Variants in NCBP3 observed in about 807,000 individuals in gnomAD.
NCBP3 encodes the protein nuclear cap-binding protein subunit 3.
In NCBP3, 20 loss-of-function variants were observed where a neutral mutation model predicts 75.7. That is an observed-to-expected ratio of 0.26 (90% CI 0.19 to 0.38). The LOEUF (loss-of-function observed/expected upper bound fraction) is 0.38, where lower values mean the gene tolerates loss of function less well. Among genes scored for constraint, NCBP3 ranks in the 10% least tolerant of loss-of-function variants. NCBP3 has a pLI of 1.00. For missense variants in NCBP3, 678 were observed against 796.9 expected (o/e 0.85, Z 1.80); for synonymous variants, 293 against 290.5 (o/e 1.01, Z -0.09).
intron 1 of NCBP3, 81 bp downstream of exon 1, chr17:3,845,960 G>C (rs2054156958): frequency 6.9e-7 from 1 of 1,447,216 alleles, no homozygotes; most frequent in Non-Finnish European, 9.3e-7. Context: ...CTGGGGCTCC[G>C]GCCACCGCCC....
intron 11 of NCBP3, among the ~76,000 whole-genome samples, chr17:3,815,729 T>C (rs116934677): frequency 0.029 from 4,419 of 152,278 alleles, 82 homozygotes; most frequent in Non-Finnish European, 0.042. Flanking sequence ...GTATTAGGTA[T>C]TGTAAATAAT....
intron 3 of NCBP3, among the ~76,000 whole-genome samples, chr17:3,835,133 G>C (rs2053951792): frequency 6.6e-6 from 1 of 152,206 alleles, no homozygotes; most frequent in Admixed American, 6.5e-5. Flanking sequence ...GAGTTACGAT[G>C]AAAATGCACT....
In NCBP3 at chr17:3,825,836, CTGCT is replaced by C; in HGVS notation, c.614_617del (p.Lys205ArgfsTer23). 1 of 1,551,038 alleles carries C rather than the reference CTGCT, an allele frequency of 6.4e-7. No homozygotes were observed. The highest frequency in any genetic ancestry group is 8.7e-7 in the Non-Finnish European group (1 of 1,146,720). ...CTTCATCATCATCTGAACTGTCTTCCTGCTTGTCTAAAATGGAATGTGAAGGACA... is the reference window on the plus strand; with the variant it reads ...CTTCATCATCATCTGAACTGTCTTCCTGTCTAAAATGGAATGTGAAGGACA... On this transcript the variant is annotated frameshift_variant, in exon 6 of 13. Coordinates refer to ENST00000389005, the MANE Select transcript of NCBP3 (RefSeq NM_001114118.3). LOFTEE classifies it high-confidence loss of function.
chr17:3,821,884 ACC>A, intron 8 of NCBP3, 67 bp downstream of exon 8: 1 of 988,922 alleles, frequency 1.0e-6, no homozygotes, highest in South Asian at 1.4e-5. Flanking sequence ...TAGACATTTC[ACC>A]ACGGAATACC....
At position 3,812,422 on chromosome 17, in the gene NCBP3, T is replaced by C; in HGVS notation, c.*622A>G. The C allele has an allele frequency of 1.3e-6, 1 of 749,720 alleles. No individual in the cohort carries two copies. Among genetic ancestry groups the C allele is most frequent in the Non-Finnish European group, 1.6e-6 (1 of 614,028 alleles). 46.4% of individuals were successfully genotyped at this position (749,720 alleles called of 1,614,324 possible). A position where few individuals can be genotyped will look rare whatever the true frequency, so the allele number is the denominator to read the frequency against. On this transcript the variant is annotated 3_prime_UTR_variant, in exon 13 of 13. Coordinates refer to ENST00000389005, the MANE Select transcript of NCBP3 (RefSeq NM_001114118.3). ...ATCTTCACATCAAGCTGACAGCACG[T>C]AAGAGGCCCATGCCATGAGCAATCC...
chr17:3,833,674 A>C (rs2053924638), intron 3 of NCBP3, among the ~76,000 whole-genome samples: 1 of 151,510 alleles, frequency 6.6e-6, no homozygotes, highest in African/African-American at 2.4e-5. Context: ...TGAGGCCAGA[A>C]ATTTTGTTCC....
chr17:3,841,810 G>T, intron 2 of NCBP3, among the ~76,000 whole-genome samples: 1 of 136,632 alleles, frequency 7.3e-6, no homozygotes, highest in Admixed American at 7.5e-5. Context: ...TCCAGCCTGG[G>T]TGACAGAGTG....
chr17:3,832,564 G>C (rs218711), intron 3 of NCBP3, among the ~76,000 whole-genome samples: 2,065 of 145,952 alleles, frequency 0.014, 132 homozygotes, highest in African/African-American at 0.048. Flanking sequence ...CCGGGAGGCG[G>C]AGGTTGCAGT....
Position 3,802,717 on chromosome 17 carries a change from G to T in NCBP3, c.*10327C>A, listed in dbSNP as rs1048441798. The T allele has an allele frequency of 6.6e-6, 1 of 152,260 alleles. No individual in the cohort carries two copies. Among genetic ancestry groups the T allele is most frequent in the Non-Finnish European group, 1.5e-5 (1 of 68,088 alleles). The allele number at this position is 152,260 out of a possible 1,614,324, so 9.4% of individuals were successfully genotyped here. A position where few individuals can be genotyped will look rare whatever the true frequency, so the allele number is the denominator to read the frequency against. On this transcript the variant is annotated 3_prime_UTR_variant, in exon 13 of 13. Transcript: ENST00000389005. ...GAGTCACAGTGGTCTCCTCTCCCCC[G>T]CATTGGCCTAAAGCAGGAAGAGAGC... is the stretch of plus-strand genomic sequence containing the variant.
At chr17:3,817,962 G>C (rs1316725716) in intron 10 of NCBP3, among the ~76,000 whole-genome samples, 2 of 144,338 alleles carry the variant, frequency 1.4e-5, no homozygotes, top group East Asian at 3.9e-4. Context: ...TTTTCCCTGT[G>C]CCATACACAC....
chr17:3,810,837 C>T lies in NCBP3; in HGVS notation c.*2207G>A, dbSNP rs576834592. 1 of 152,262 alleles carries T rather than the reference C, an allele frequency of 6.6e-6. No individual in the cohort carries two copies. Among genetic ancestry groups the T allele is most frequent in the South Asian group, 2.1e-4 (1 of 4,826 alleles). 9.4% of individuals were successfully genotyped at this position (152,262 alleles called of 1,614,324 possible). ...CTCCTTCCAGAATGGCTTCGCTGATCTGTAGCAGGAGACTGCTGAGTGCTG... is the reference window on the plus strand; with the variant it reads ...CTCCTTCCAGAATGGCTTCGCTGATTTGTAGCAGGAGACTGCTGAGTGCTG... On this transcript the variant is annotated 3_prime_UTR_variant, in exon 13 of 13. Coordinates refer to ENST00000389005, the MANE Select transcript of NCBP3 (RefSeq NM_001114118.3).
intron 4 of NCBP3, among the ~76,000 whole-genome samples, chr17:3,827,619 G>A (rs1240691878): frequency 6.6e-6 from 1 of 152,222 alleles, no homozygotes; most frequent in Non-Finnish European, 1.5e-5. Context: ...GGGAAATGAA[G>A]CTCTGAGGCT....
chr17:3,818,678 G>C lies in NCBP3; in HGVS notation c.1001-106C>G. The C allele has an allele frequency of 7.9e-7, 1 of 1,271,778 alleles. No individual in the cohort carries two copies. The highest frequency in any genetic ancestry group is 1.1e-6 in the Non-Finnish European group (1 of 925,766). 78.8% of individuals were successfully genotyped at this position (1,271,778 alleles called of 1,614,324 possible). A position where few individuals can be genotyped will look rare whatever the true frequency, so the allele number is the denominator to read the frequency against. ...TTTAAAAGGTGGGGTTCCCATCCCT[G>C]ACATTTTATTGGAGCACTATCTATA... On this transcript the variant is annotated intron_variant, in intron 9 of 12. Transcript: ENST00000389005. The surrounding 1 kb of genome is among the most constrained non-coding windows in gnomAD (Gnocchi z 4.7).
chr17:3,845,070 G>T (rs1382600392), intron 1 of NCBP3, among the ~76,000 whole-genome samples: 1 of 152,142 alleles, frequency 6.6e-6, no homozygotes, highest in Non-Finnish European at 1.5e-5. Context: ...GACCTCAAAG[G>T]GGTCTTGCTA....
rs1342353861 is a variant in NCBP3 at position 3,818,374 on chromosome 17, T to A, written c.1199A>T (p.Asp400Val). The change falls in exon 10 of 13, where the codon GAT becomes GTT. Residue 400 changes from aspartate to valine, a missense_variant. Physicochemically the swap from Asp to Val is radical, Grantham distance 152 (BLOSUM62 -3). Coordinates refer to ENST00000389005, the MANE Select transcript of NCBP3 (RefSeq NM_001114118.3). This position sits in a 1 kb window ranked among gnomAD's most constrained non-coding sequence, Gnocchi z 4.7. ...CAGTTCTAGATCATAGTCCATTTCA[T>A]CTGAGTCTGAGCTGCTGGCACTGGA... ...RRSSASSSDS[D>V]EMDYDLELKM... The A allele has an allele frequency of 6.2e-7, 1 of 1,614,112 alleles. No individual in the cohort carries two copies. The highest frequency in any genetic ancestry group is 1.3e-5 in the African/African-American group (1 of 74,936).
rs2053437601 is a variant in NCBP3, at chr17:3,812,555, C to T, written c.*489G>A. On this transcript the variant is annotated 3_prime_UTR_variant, in exon 13 of 13. Transcript: ENST00000389005. ...TGAGATTCGCCCCACACTAGGGTCC[C>T]GGAAGGGTGAGCTGGCCGCTTCCCT... 11 of 1,009,348 alleles carry T rather than the reference C, an allele frequency of 1.1e-5. No individual in the cohort carries two copies. The highest frequency in any genetic ancestry group is 1.0e-4 in the East Asian group (1 of 9,840). 62.5% of individuals were successfully genotyped at this position (1,009,348 alleles called of 1,614,324 possible).
In NCBP3 at chr17:3,829,298, A is replaced by G. The variant is rs1458059388; in HGVS notation, c.426T>C (p.Phe142=). The G allele has an allele frequency of 3.9e-6, 6 of 1,551,704 alleles. No homozygotes were observed. Among genetic ancestry groups the G allele is most frequent in the Non-Finnish European group, 5.2e-6 (6 of 1,146,964 alleles). Residue 142 remains phenylalanine, a synonymous_variant, in exon 4 of 13, where the codon TTT becomes TTC. Coordinates refer to ENST00000389005, the MANE Select transcript of NCBP3 (RefSeq NM_001114118.3). ...CTGGAGGATATTCTTTAAAATAGGAAAAGACATCTTGGGTGCTCATCTCAT... is the reference window on the plus strand; with the variant it reads ...CTGGAGGATATTCTTTAAAATAGGAGAAGACATCTTGGGTGCTCATCTCAT... ...GVDEMSTQDV[F]SYFKEYPPAH...
intron 11 of NCBP3, among the ~76,000 whole-genome samples, chr17:3,814,777 A>G (rs891119956): frequency 6.6e-6 from 1 of 152,100 alleles, no homozygotes; most frequent in African/African-American, 2.4e-5. Flanking sequence ...AGTAATTTAC[A>G]AAAGTTTCAG....
chr17:3,842,532 C>T (rs548927004), intron 2 of NCBP3, among the ~76,000 whole-genome samples: 1 of 152,232 alleles, frequency 6.6e-6, no homozygotes, highest in Admixed American at 6.5e-5. Flanking sequence ...AAAAAGCATC[C>T]CCCGTCTTGG....
Sources: allele counts gnomAD v4.1 joint callset (sites outside exome capture counted in the v4.1 genomes callset), GRCh38; gene constraint gnomAD v4.1.1; non-coding constraint Gnocchi (gnomAD v3.1); transcripts MANE v1.5; gene names NCBI Gene and HGNC (gene_info 2026-07-23, HGNC 2026-07-21).